QTMAN: variants seen among roughly 807,000 people sequenced by gnomAD.
QTMAN encodes the protein tRNA-queuosine alpha-mannosyltransferase.
the QTMAN span, among the ~76,000 whole-genome samples, chr2:144,261,843 T>TTTTA: frequency 1.4e-4 from 21 of 152,274 alleles, no homozygotes; most frequent in Admixed American, 3.3e-4. Flanking sequence ...ATCACCTTCT[T>TTTTA]TTTATTTATT....
At chr2:143,962,914 G>A in the QTMAN span, among the ~76,000 whole-genome samples, 2 of 152,168 alleles carry the variant, frequency 1.3e-5, no homozygotes, top group East Asian at 3.8e-4. Context: ...TGCCCCACAA[G>A]TGGGCTAGTC....
chr2:144,006,257 C>T, the QTMAN span: 1 of 152,086 alleles, frequency 6.6e-6, no homozygotes, highest in Non-Finnish European at 1.5e-5. Context: ...CCTTTAGGTA[C>T]CAGATGCTGC....
the QTMAN span, among the ~76,000 whole-genome samples, chr2:144,277,548 T>C: frequency 2.6e-5 from 4 of 152,142 alleles, no homozygotes; most frequent in Non-Finnish European, 4.4e-5. Flanking sequence ...AAAAAAGAGT[T>C]ACAAGACATT....
the QTMAN span, among the ~76,000 whole-genome samples, chr2:144,263,338 A>T: frequency 6.6e-6 from 1 of 152,104 alleles, no homozygotes. Flanking sequence ...TCTCTTTTAC[A>T]CCTATGGAAA....
chr2:144,257,087 G>GAAA, the QTMAN span, among the ~76,000 whole-genome samples: 7 of 128,690 alleles, frequency 5.4e-5, no homozygotes, highest in African/African-American at 1.2e-4. Context: ...GAAACAAACT[G>GAAA]AAAAAAAAAA....
the QTMAN span, among the ~76,000 whole-genome samples, chr2:144,204,833 G>A: frequency 1.3e-5 from 2 of 152,198 alleles, no homozygotes; most frequent in East Asian, 3.9e-4. Context: ...ATGAGTTCAT[G>A]TCCTTTGTAG....
the QTMAN span, among the ~76,000 whole-genome samples, chr2:144,016,964 TA>T: frequency 6.6e-6 from 1 of 151,676 alleles, no homozygotes; most frequent in East Asian, 1.9e-4. Context: ...ATTTGGGGAA[TA>T]AAAAGGAGAA....
chr2:144,019,435 G>GGGGTGTGTGTGTGTGTGTGTGT, the QTMAN span, among the ~76,000 whole-genome samples: 5 of 117,224 alleles, frequency 4.3e-5, no homozygotes, highest in African/African-American at 6.2e-5. Context: ...TAAGCATGCA[G>GGGGTGTGTGTGTGTGTGTGTGT]GTGTGTGTGT....
chr2:144,009,219 A>G, the QTMAN span, among the ~76,000 whole-genome samples: 2 of 152,112 alleles, frequency 1.3e-5, no homozygotes, highest in Non-Finnish European at 2.9e-5. Context: ...TGAAAAAACA[A>G]AACAGCTTTA....
chr2:143,986,411 G>A, the QTMAN span, among the ~76,000 whole-genome samples: 1 of 152,286 alleles, frequency 6.6e-6, no homozygotes, highest in Non-Finnish European at 1.5e-5. Context: ...AACAGGAGAC[G>A]CTCCCCTCAA....
the QTMAN span, among the ~76,000 whole-genome samples, chr2:144,077,066 A>G: frequency 2.1e-4 from 32 of 149,030 alleles, no homozygotes; most frequent in Non-Finnish European, 2.5e-4. Context: ...AAAAAAAAAG[A>G]GAGATTAAGA....
chr2:144,160,217 A>G, the QTMAN span, among the ~76,000 whole-genome samples: 2 of 152,108 alleles, frequency 1.3e-5, no homozygotes, highest in African/African-American at 4.8e-5. Context: ...ACAGTGTCTC[A>G]TGCAAGAAAA....
the QTMAN span, among the ~76,000 whole-genome samples, chr2:144,043,502 C>T: frequency 1.3e-5 from 2 of 151,780 alleles, no homozygotes; most frequent in East Asian, 1.9e-4. Flanking sequence ...AGCGTGGTGA[C>T]GGGTGCCTGT....
the QTMAN span, chr2:143,942,521 A>T: frequency 1.2e-5 from 2 of 167,254 alleles, no homozygotes; most frequent in Non-Finnish European, 2.9e-5. Context: ...TTGTGCTCTA[A>T]CAGGCAGCTC....
chr2:144,145,518 C>G, the QTMAN span: 10 of 1,350,290 alleles, frequency 7.4e-6, no homozygotes, highest in East Asian at 2.3e-4. Flanking sequence ...ACGTAACCAC[C>G]TACAAAGAAA....
At chr2:143,970,275 G>A in the QTMAN span, among the ~76,000 whole-genome samples, 2 of 152,142 alleles carry the variant, frequency 1.3e-5, no homozygotes, top group African/African-American at 4.8e-5. Flanking sequence ...CCTAACAGAT[G>A]GTAATATATT....
the QTMAN span, among the ~76,000 whole-genome samples, chr2:144,259,677 A>G: frequency 9.7e-3 from 1,476 of 152,300 alleles, 16 homozygotes; most frequent in African/African-American, 0.033. Flanking sequence ...AAACTAAAAC[A>G]CAAAATTGTT....
the QTMAN span, among the ~76,000 whole-genome samples, chr2:143,949,658 T>C: frequency 6.6e-6 from 1 of 151,860 alleles, no homozygotes. Flanking sequence ...CCCAACATTC[T>C]TTTCACAGTA....
At chr2:144,188,508 CGGAT>C in the QTMAN span, among the ~76,000 whole-genome samples, 67,414 of 148,502 alleles carry the variant, frequency 0.45, 15,297 homozygotes, top group South Asian at 0.52. Flanking sequence ...CTTTTGCAAT[CGGAT>C]GGATGGATGG....
Sources: allele counts gnomAD v4.1 joint callset (sites outside exome capture counted in the v4.1 genomes callset), GRCh38; gene constraint gnomAD v4.1.1; transcripts MANE v1.5; gene names NCBI Gene and HGNC (gene_info 2026-07-23, HGNC 2026-07-21).